SYCP2L: variants seen among roughly 807,000 people sequenced by gnomAD.
SYCP2L encodes synaptonemal complex protein 2 like.
In SYCP2L, 98 loss-of-function variants were observed where a neutral mutation model predicts 125.8. The ratio of observed to expected loss-of-function variants is 0.78; its 90% CI spans 0.66 to 0.92. The LOEUF is 0.92. SYCP2L is among the 40% of genes least tolerant of loss of function. The pLI, the probability that SYCP2L is intolerant of heterozygous loss-of-function variation, is 0.00. For missense variants in SYCP2L, 842 were observed against 936.4 expected, an observed-to-expected ratio of 0.90 and a Z score of 1.32; for synonymous variants, 317 against 325.4, an observed-to-expected ratio of 0.97 and a Z score of 0.28.
chr6:10,897,407 T>C (rs572712782), intron 4 of SYCP2L, among the ~76,000 whole-genome samples: 18 of 112,814 alleles, frequency 1.6e-4, no homozygotes, highest in Middle Eastern at 5.4e-3. Flanking sequence ...GGCTCACTTA[T>C]CTCTTTTTTT....
At chr6:10,935,289 TATG>T in intron 21 of SYCP2L, 102 bp downstream of exon 21, 1 of 1,188,736 alleles carries the variant, frequency 8.4e-7, no homozygotes, top group Non-Finnish European at 1.2e-6. Flanking sequence ...TTAAAGAAAA[TATG>T]AAGATAACAT....
At chr6:10,935,454 G>A (rs1781075849) in intron 21 of SYCP2L, among the ~76,000 whole-genome samples, 1 of 152,094 alleles carries the variant, frequency 6.6e-6, no homozygotes, top group East Asian at 1.9e-4. Flanking sequence ...ACCTGTAGCA[G>A]GGGTTGGTAA....
At chr6:10,932,867 C>A (rs2113361061) in intron 20 of SYCP2L, among the ~76,000 whole-genome samples, 1 of 152,332 alleles carries the variant, frequency 6.6e-6, no homozygotes, top group Admixed American at 6.5e-5. Flanking sequence ...GATTCTCCTG[C>A]CTCAGCCTCC....
chr6:10,899,707 C>G (rs968452554), intron 6 of SYCP2L, among the ~76,000 whole-genome samples: 22 of 152,312 alleles, frequency 1.4e-4, no homozygotes, highest in Non-Finnish European at 2.6e-4. Context: ...ACACTACATT[C>G]TGCAATGGAT....
chr6:10,892,791 A>G (rs1780194635), intron 2 of SYCP2L, among the ~76,000 whole-genome samples: 1 of 152,228 alleles, frequency 6.6e-6, no homozygotes, highest in African/African-American at 2.4e-5. Context: ...ACTATGTGTT[A>G]ACTTAAAAAA....
chr6:10,961,506 T>TGG lies in SYCP2L; in HGVS notation c.2366_2367dup (p.Lys790GlyfsTer16). ...AACTTTTGTTCAATCTTAGGAATTCTGGGGGAAACAGTCTGCTGATCTGCA... is the reference window on the plus strand; with the variant it reads ...AACTTTTGTTCAATCTTAGGAATTCTGGGGGGGAAACAGTCTGCTGATCTGCA... On this transcript the variant is annotated frameshift_variant, in exon 28 of 30. Transcript: ENST00000283141. LOFTEE classifies it high-confidence loss of function. The TGG allele has an allele frequency of 1.2e-6, 2 of 1,614,140 alleles. No individual in the cohort carries two copies. Among genetic ancestry groups the TGG allele is most frequent in the Non-Finnish European group, 1.7e-6 (2 of 1,179,992 alleles).
intron 10 of SYCP2L, among the ~76,000 whole-genome samples, chr6:10,907,892 G>GTTTTTTGTTTTTTTTTT (rs1780526714): frequency 1.1e-5 from 1 of 91,922 alleles, no homozygotes; most frequent in Non-Finnish European, 2.0e-5. Context: ...ATACAGATAG[G>GTTTTTTGTTTTTTTTTT]TTTTTTTTTT....
At chr6:10,937,994 T>C (rs551857907) in intron 21 of SYCP2L, among the ~76,000 whole-genome samples, 155 of 152,054 alleles carry the variant, frequency 1.0e-3, no homozygotes, top group African/African-American at 3.5e-3. Flanking sequence ...TAAAGAAAAA[T>C]TAATGCCAAT....
chr6:10,943,892 T>C (rs1326292308), intron 23 of SYCP2L, among the ~76,000 whole-genome samples: 4 of 152,218 alleles, frequency 2.6e-5, no homozygotes, highest in Non-Finnish European at 5.9e-5. Context: ...TTGAGGTATA[T>C]TTCTTTACTA....
rs1346156033 is a variant in SYCP2L at position 10,896,802 on chromosome 6, G to T, written c.337-1209G>T. Among the ~76,000 whole-genome samples, 5 of 152,120 alleles carry T rather than the reference G, an allele frequency of 3.3e-5. No individual in the cohort carries two copies. In the South Asian group the frequency reaches 1.0e-3, roughly 32 times the overall value. On this transcript the variant is annotated intron_variant, in intron 4 of 29. Coordinates refer to ENST00000283141, the MANE Select transcript of SYCP2L (RefSeq NM_001040274.3). The stretch of plus-strand genomic sequence containing the variant: ...GTATCACCAGTGATTCTGATTACTG[G>T]GTCTGGGATAGGTCCCAGGCTTCAG...
intron 23 of SYCP2L, among the ~76,000 whole-genome samples, chr6:10,953,719 A>C (rs997989531): frequency 1.3e-5 from 2 of 152,238 alleles, no homozygotes; most frequent in African/African-American, 4.8e-5. Context: ...GAAGAAAAAA[A>C]ATGCCTGCCC....
Position 10,888,066 on chromosome 6 carries a change from CTTTTTTT to C in SYCP2L, c.9+973_9+979del, listed in dbSNP as rs70991066. Among the ~76,000 whole-genome samples, 11 of 74,366 alleles carry C rather than the reference CTTTTTTT, an allele frequency of 1.5e-4. 1 individual carries two copies. Among genetic ancestry groups the C allele is most frequent in the South Asian group, 1.0e-3 (2 of 1,988 alleles). The allele number at this position is 74,366 out of a possible 152,430, so 48.8% of individuals were successfully genotyped here. The stretch of plus-strand genomic sequence containing the variant: ...AATCCTTCCATATAGGTGTTACCAT[CTTTTTTT>C]TTTTTTTTTTTTTTTTTTTTTTTTT... On this transcript the variant is annotated intron_variant, in intron 1 of 29. Transcript: ENST00000283141.
chr6:10,910,687 G>A, intron 11 of SYCP2L, 137 bp from the exon 12 acceptor site: 1 of 899,404 alleles, frequency 1.1e-6, no homozygotes, highest in Non-Finnish European at 1.8e-6. Context: ...CCATTTGCAG[G>A]CTTGAAACCC....
At chr6:10,931,077 A>C (rs113340400) in intron 19 of SYCP2L, among the ~76,000 whole-genome samples, 3,382 of 152,254 alleles carry the variant, frequency 0.022, 118 homozygotes, top group African/African-American at 0.067. Context: ...AGGCTGAGGC[A>C]GGAGGATTGC....
At position 10,907,620 on chromosome 6, in the gene SYCP2L, A is replaced by T. The variant is rs1452275270; in HGVS notation, c.755A>T (p.Lys252Ile). 1 of 1,613,992 alleles carries T rather than the reference A, an allele frequency of 6.2e-7. No homozygotes were observed. The part of the protein sequence containing the change: ...IKKSRDELVH[K>I]WFDDEVIAEA... ...AAATCAAGGGATGAACTTGTCCATAAATGGTTTGATGATGAAGTCATTGCT... is the reference window on the plus strand; with the variant it reads ...AAATCAAGGGATGAACTTGTCCATATATGGTTTGATGATGAAGTCATTGCT... The change falls in exon 10 of 30, where the codon AAA becomes ATA. Residue 252 changes from lysine to isoleucine, a missense_variant. Lys to Ile is a moderately radical substitution (Grantham distance 102, BLOSUM62 -3). Transcript: ENST00000283141.
intron 4 of SYCP2L, among the ~76,000 whole-genome samples, chr6:10,895,309 G>GT (rs1358753071): frequency 6.6e-6 from 1 of 152,198 alleles, no homozygotes; most frequent in Non-Finnish European, 1.5e-5. Flanking sequence ...TCCTTGGCCA[G>GT]TTGCCATGAG....
At chr6:10,905,404 T>C (rs9467906) in intron 8 of SYCP2L, among the ~76,000 whole-genome samples, 43,663 of 151,614 alleles carry the variant, frequency 0.29, 7,020 homozygotes, top group East Asian at 0.47. Context: ...GAGATTCTCC[T>C]GCCTCAGCCT....
At chr6:10,906,130 A>G (rs1780484685) in intron 9 of SYCP2L, 76 bp downstream of exon 9, 2 of 805,526 alleles carry the variant, frequency 2.5e-6, no homozygotes, top group Middle Eastern at 2.3e-4. Flanking sequence ...TCTTGGGACT[A>G]TGGGGAATAA....
intron 23 of SYCP2L, among the ~76,000 whole-genome samples, chr6:10,947,349 C>G (rs1378803547): frequency 6.6e-6 from 1 of 151,954 alleles, no homozygotes; most frequent in African/African-American, 2.4e-5. Flanking sequence ...ATAGAAATTG[C>G]ATTAAATATA....
Sources: allele counts gnomAD v4.1 joint callset (sites outside exome capture counted in the v4.1 genomes callset), GRCh38; gene constraint gnomAD v4.1.1; transcripts MANE v1.5; gene names NCBI Gene and HGNC (gene_info 2026-07-23, HGNC 2026-07-21).